The following CMTR1 variants were observed in gnomAD, a reference collection of about 807,000 sequenced individuals.
CMTR1 encodes the protein cap methyltransferase 1.
A neutral mutation model predicts 107.0 loss-of-function variants in CMTR1; 39 were observed. That is an observed-to-expected ratio of 0.36 (90% CI 0.28 to 0.48). The LOEUF (loss-of-function observed/expected upper bound fraction) is 0.48, where lower values mean the gene tolerates loss of function less well. Ranked by LOEUF, CMTR1 falls within the 20% of genes least tolerant of loss-of-function variation. The pLI, the probability that CMTR1 is intolerant of heterozygous loss-of-function variation, is 0.99. For synonymous variants in CMTR1, 366 were observed against 379.5 expected, an observed-to-expected ratio of 0.96 and a Z score of 0.41; for missense variants, 672 against 1,064.9, an observed-to-expected ratio of 0.63 and a Z score of 5.14.
At chr6:37,465,930 T>G (rs937289099) in intron 13 of CMTR1, among the ~76,000 whole-genome samples, 5 of 372 alleles carry the variant, frequency 0.013, no homozygotes, top group African/African-American at 0.05. Context: ...TTCTGTAGGT[T>G]TTTTTTTTCC....
intron 13 of CMTR1, among the ~76,000 whole-genome samples, chr6:37,467,714 A>G (rs1366411180): frequency 1.3e-5 from 2 of 152,098 alleles, no homozygotes; most frequent in Admixed American, 6.5e-5. Flanking sequence ...GAAATACCCT[A>G]TTTATTTCCA....
chr6:37,458,517 G>A lies in CMTR1; in HGVS notation c.778-95G>A, dbSNP rs575781131. ...GTGGGAGCTCTGGATTGTACTTGCC[G>A]AAAGGCTTATTTTACTCTCCCTGCA... On this transcript the variant is annotated intron_variant, in intron 8 of 23. Coordinates refer to ENST00000373451, the MANE Select transcript of CMTR1 (RefSeq NM_015050.3). The surrounding 1 kb of genome is among the most constrained non-coding windows in gnomAD (Gnocchi z 4.7). 1.5e-5 allele frequency: 19 copies of A among 1,233,448 alleles called. No individual in the cohort carries two copies. Among genetic ancestry groups the A allele is most frequent in the Admixed American group, 8.9e-5 (4 of 44,914 alleles). 76.4% of individuals were successfully genotyped at this position (1,233,448 alleles called of 1,614,324 possible).
chr6:37,450,215 T>A (rs911335083), intron 4 of CMTR1, 36 bp from the exon 5 acceptor site: 49 of 1,554,456 alleles, frequency 3.2e-5, no homozygotes, highest in Non-Finnish European at 4.3e-5. Context: ...TGAGGGTGTG[T>A]CATATCTGTC....
chr6:37,478,100 A>C (rs1014523188), intron 21 of CMTR1, among the ~76,000 whole-genome samples: 2 of 152,186 alleles, frequency 1.3e-5, no homozygotes, highest in Non-Finnish European at 2.9e-5. Flanking sequence ...TTAACTCTTC[A>C]GTGGCTGCAG....
rs775220352 is a variant in CMTR1 at position 37,472,569 on chromosome 6, A to G, written c.1689+82A>G. 11 of 1,380,966 alleles carry G rather than the reference A, an allele frequency of 8.0e-6. No homozygotes were observed. The highest frequency in any genetic ancestry group is 1.1e-5 in the Non-Finnish European group (11 of 969,936). The allele number at this position is 1,380,966 out of a possible 1,614,324, so 85.5% of individuals were successfully genotyped here. A position where few individuals can be genotyped will look rare whatever the true frequency, so the allele number is the denominator to read the frequency against. On this transcript the variant is annotated intron_variant, in intron 16 of 23. Transcript: ENST00000373451. This position sits in a 1 kb window ranked among gnomAD's most constrained non-coding sequence, Gnocchi z 4.1. ...ATGGTATCACTGAGGCCCCAGATGCATGGTCTCCAGAGGGCTTGTGCAGAT... is the reference window on the plus strand; with the variant it reads ...ATGGTATCACTGAGGCCCCAGATGCGTGGTCTCCAGAGGGCTTGTGCAGAT...
At chr6:37,459,342 T>A (rs960434376) in intron 9 of CMTR1, among the ~76,000 whole-genome samples, 1 of 152,260 alleles carries the variant, frequency 6.6e-6, no homozygotes, top group African/African-American at 2.4e-5. Context: ...AAGAGAAAGT[T>A]CCACGAGTTG....
intron 5 of CMTR1, 150 bp downstream of exon 5, chr6:37,450,493 T>C: frequency 4.7e-6 from 3 of 644,124 alleles, no homozygotes; most frequent in Non-Finnish European, 8.4e-6. Flanking sequence ...CAAGAGGGAG[T>C]GTCATGAGCT....
rs1408097517 is a variant in CMTR1 at position 37,480,259 on chromosome 6, C to A, written c.*114C>A. On this transcript the variant is annotated 3_prime_UTR_variant, in exon 24 of 24. Coordinates refer to ENST00000373451, the MANE Select transcript of CMTR1 (RefSeq NM_015050.3). The stretch of plus-strand genomic sequence containing the variant: ...CTTGAAAAGGGACTGGGGAGCATTG[C>A]ACCTGGCATGAGGAGTGGGTGGCCT... 2.3e-5 allele frequency: 34 copies of A among 1,507,078 alleles called. No individual in the cohort carries two copies. Among genetic ancestry groups the A allele is most frequent in the Admixed American group, 2.5e-5 (1 of 39,708 alleles). 93.4% of individuals were successfully genotyped at this position (1,507,078 alleles called of 1,614,324 possible).
Position 37,453,221 on chromosome 6 carries a change from C to T in CMTR1, c.705-19C>T. On this transcript the variant is annotated intron_variant, in intron 7 of 23. Coordinates refer to ENST00000373451, the MANE Select transcript of CMTR1 (RefSeq NM_015050.3). The stretch of plus-strand genomic sequence containing the variant: ...TGAGCCTAGTACATCTAGTACTTTT[C>T]TGTCTTGCTTTATTGCAGGGCAGCA... 1 of 1,614,006 alleles carries T rather than the reference C, an allele frequency of 6.2e-7. No homozygotes were observed. The highest frequency in any genetic ancestry group is 8.5e-7 in the Non-Finnish European group (1 of 1,179,884).
chr6:37,445,744 C>T (rs1454957943), intron 3 of CMTR1, among the ~76,000 whole-genome samples: 9 of 151,752 alleles, frequency 5.9e-5, no homozygotes, highest in African/African-American at 2.2e-4. Flanking sequence ...CCGCCCTTCT[C>T]GGCCTCCCAA....
At chr6:37,452,354 G>T (rs1156732389) in intron 6 of CMTR1, among the ~76,000 whole-genome samples, 1 of 152,210 alleles carries the variant, frequency 6.6e-6, no homozygotes, top group Non-Finnish European at 1.5e-5. Context: ...AAGTACCTGG[G>T]TAAATGTTAG....
chr6:37,450,216 CAT>C, intron 4 of CMTR1, 33 bp from the exon 5 acceptor site: 1 of 1,559,464 alleles, frequency 6.4e-7, no homozygotes, highest in Non-Finnish European at 8.8e-7. Context: ...GAGGGTGTGT[CAT>C]ATCTGTCTTA....
intron 13 of CMTR1, among the ~76,000 whole-genome samples, chr6:37,468,842 C>T (rs562765025): frequency 2.5e-4 from 38 of 152,112 alleles, no homozygotes; most frequent in African/African-American, 8.4e-4. Flanking sequence ...GGGATTGTGC[C>T]ATTGCACTCT....
intron 2 of CMTR1, among the ~76,000 whole-genome samples, chr6:37,443,193 T>G (rs4257849): frequency 0.79 from 119,644 of 152,088 alleles, 48,053 homozygotes; most frequent in African/African-American, 0.93. Context: ...TTCCAAAAGC[T>G]CTTTTTGCAA....
At chr6:37,459,369 C>G (rs1761358025) in intron 9 of CMTR1, among the ~76,000 whole-genome samples, 197 bp from the exon 10 acceptor site, 1 of 152,230 alleles carries the variant, frequency 6.6e-6, no homozygotes, top group Admixed American at 6.5e-5. Flanking sequence ...TTTGACTGGT[C>G]AACTCCTTTG....
At position 37,462,967 on chromosome 6, in the gene CMTR1, A is replaced by G. The variant is rs753891748; in HGVS notation, c.1464A>G (p.Gly488=). Residue 488 remains glycine (G), a synonymous_variant, in exon 13 of 24, where the codon GGA becomes GGG. Transcript: ENST00000373451. ...TGGTCCCCCTGGAGGTGATCAAGGG[A>G]GACCATGAATTTACTGACTACATGA... ...NLVVPLEVIK[G]DHEFTDYMIR... is the part of the protein sequence containing the mutation. The G allele has an allele frequency of 6.2e-7, 1 of 1,614,156 alleles. No individual in the cohort carries two copies. Among genetic ancestry groups the G allele is most frequent in the Non-Finnish European group, 8.5e-7 (1 of 1,180,004 alleles).
chr6:37,428,028 G>GAGAC, the CMTR1 span, among the ~76,000 whole-genome samples: 2 of 140,950 alleles, frequency 1.4e-5, no homozygotes, highest in South Asian at 4.3e-4. Flanking sequence ...GAGAGAGAGA[G>GAGAC]AGAGAGAGAG....
chr6:37,453,428 A>G (rs1761226507), intron 8 of CMTR1, 116 bp downstream of exon 8: 13 of 1,018,392 alleles, frequency 1.3e-5, no homozygotes, highest in Admixed American at 9.4e-5. Flanking sequence ...TGATGGAGAT[A>G]CTTTGCTTTG....
chr6:37,475,460 G>T, intron 19 of CMTR1, 48 bp downstream of exon 19: 1 of 1,537,680 alleles, frequency 6.5e-7, no homozygotes. Flanking sequence ...GGCCAGGGCA[G>T]CTTGGGAGGA....
Sources: gnomAD v4.1 joint callset for allele counts (sites outside exome capture counted in the v4.1 genomes callset) on GRCh38, gnomAD v4.1.1 for gene constraint, Gnocchi (gnomAD v3.1) non-coding constraint, MANE v1.5 for transcripts, NCBI Gene and HGNC (gene_info 2026-07-23, HGNC 2026-07-21) for gene names.